Variants in RIGI observed in about 807,000 individuals in gnomAD.
RIGI encodes the protein antiviral innate immune response receptor RIG-I.
chr9:32,491,394 G>C, the RIGI span: 1 of 1,611,066 alleles, frequency 6.2e-7, no homozygotes, highest in Non-Finnish European at 8.5e-7. Context: ...TTATCCTCAA[G>C]ATCTTCTGTT....
chr9:32,486,380 G>C, the RIGI span, among the ~76,000 whole-genome samples: 1 of 150,672 alleles, frequency 6.6e-6, no homozygotes, highest in Non-Finnish European at 1.5e-5. Context: ...TTGAACCCAG[G>C]AGGTGGAGGT....
At chr9:32,503,529 T>C in the RIGI span, among the ~76,000 whole-genome samples, 26 of 152,304 alleles carry the variant, frequency 1.7e-4, no homozygotes, top group African/African-American at 5.5e-4. Context: ...AAGCTCTTTA[T>C]TGACTACTGA....
chr9:32,516,123 CA>C, the RIGI span, among the ~76,000 whole-genome samples: 1 of 152,170 alleles, frequency 6.6e-6, no homozygotes, highest in Non-Finnish European at 1.5e-5. Flanking sequence ...CCAGGCCTCT[CA>C]AAAAGTATCA....
At chr9:32,488,593 T>A in the RIGI span, 9 of 879,146 alleles carry the variant, frequency 1.0e-5, no homozygotes, top group Non-Finnish European at 1.4e-5. Context: ...AAGACTTGAA[T>A]CCATGAAGGG....
the RIGI span, among the ~76,000 whole-genome samples, chr9:32,482,301 C>T: frequency 6.6e-6 from 1 of 152,000 alleles, no homozygotes; most frequent in African/African-American, 2.4e-5. Context: ...CCATGAGATA[C>T]ATATTACATT....
At chr9:32,499,334 T>G in the RIGI span, among the ~76,000 whole-genome samples, 1 of 149,574 alleles carries the variant, frequency 6.7e-6, no homozygotes, top group South Asian at 2.1e-4. Context: ...TTTTTTTTTT[T>G]TTTGCTTTCT....
the RIGI span, among the ~76,000 whole-genome samples, chr9:32,477,711 G>C: frequency 1.3e-5 from 2 of 152,100 alleles, no homozygotes; most frequent in Non-Finnish European, 2.9e-5. Context: ...GATCACCTGA[G>C]GTCAGGGGTT....
the RIGI span, among the ~76,000 whole-genome samples, chr9:32,472,087 C>G: frequency 1.3e-5 from 2 of 152,274 alleles, no homozygotes; most frequent in Non-Finnish European, 1.5e-5. Flanking sequence ...GATAATAACA[C>G]AGGCAGCCTT....
the RIGI span, among the ~76,000 whole-genome samples, chr9:32,509,054 C>T: frequency 2.0e-5 from 3 of 152,298 alleles, no homozygotes; most frequent in South Asian, 4.1e-4. Context: ...TCTCTAGATT[C>T]CTCACTCTAG....
At chr9:32,482,183 TTGTTTG>T in the RIGI span, among the ~76,000 whole-genome samples, 538 of 140,782 alleles carry the variant, frequency 3.8e-3, 4 homozygotes, top group African/African-American at 0.014. Flanking sequence ...ATCTGTGTGT[TTGTTTG>T]TGTGTGTGTG....
the RIGI span, chr9:32,492,401 A>G: frequency 8.1e-6 from 13 of 1,614,110 alleles, no homozygotes; most frequent in Non-Finnish European, 1.1e-5. Flanking sequence ...CTTTCTCTAC[A>G]ATCCACAGTT....
At chr9:32,484,934 T>A in the RIGI span, among the ~76,000 whole-genome samples, 5,432 of 152,188 alleles carry the variant, frequency 0.036, 323 homozygotes, top group African/African-American at 0.12. Context: ...CTGACTTAAG[T>A]ATGGTTATTT....
the RIGI span, among the ~76,000 whole-genome samples, chr9:32,473,407 C>T: frequency 6.6e-6 from 1 of 151,720 alleles, no homozygotes; most frequent in Admixed American, 6.6e-5. Flanking sequence ...TTGCCTCAGC[C>T]TCCCGAGTAG....
the RIGI span, among the ~76,000 whole-genome samples, chr9:32,471,501 A>G: frequency 2.0e-5 from 3 of 152,244 alleles, no homozygotes; most frequent in Non-Finnish European, 2.9e-5. Flanking sequence ...ATTTTTATCC[A>G]CAAGGAGCTC....
the RIGI span, among the ~76,000 whole-genome samples, chr9:32,501,325 CAAAAAAAAAAA>C: frequency 8.2e-6 from 1 of 121,858 alleles, no homozygotes; most frequent in East Asian, 2.6e-4. Flanking sequence ...CCAGCCTCTA[CAAAAAAAAAAA>C]AAAAAAAAAA....
At chr9:32,461,995 T>C in the RIGI span, among the ~76,000 whole-genome samples, 1 of 152,146 alleles carries the variant, frequency 6.6e-6, no homozygotes, top group East Asian at 1.9e-4. Context: ...TATCTTAATA[T>C]CTCCCAGTAA....
chr9:32,493,667 A>G, the RIGI span: 1,045 of 831,702 alleles, frequency 1.3e-3, 6 homozygotes, highest in African/African-American at 0.017. Flanking sequence ...GTGGGTTTCA[A>G]TGATCTTTCT....
chr9:32,459,302 T>C, the RIGI span: 7 of 1,534,950 alleles, frequency 4.6e-6, no homozygotes, highest in African/African-American at 8.4e-5. Flanking sequence ...TTATTATAAA[T>C]ATTTCACCAA....
At chr9:32,460,351 G>T in the RIGI span, among the ~76,000 whole-genome samples, 1 of 152,088 alleles carries the variant, frequency 6.6e-6, no homozygotes. Flanking sequence ...AGGGAATATT[G>T]TTGCATATGT....
Sources: gnomAD v4.1 joint callset for allele counts (sites outside exome capture counted in the v4.1 genomes callset) on GRCh38, gnomAD v4.1.1 for gene constraint, MANE v1.5 for transcripts, NCBI Gene and HGNC (gene_info 2026-07-23, HGNC 2026-07-21) for gene names.